NECAB1: variants seen among roughly 807,000 people sequenced by gnomAD.
The protein encoded by NECAB1 is N-terminal EF-hand calcium-binding protein 1.
In NECAB1, 29 loss-of-function variants were observed where a neutral mutation model predicts 57.5. That is an observed-to-expected ratio of 0.50 (90% CI 0.38 to 0.69). NECAB1 has a LOEUF of 0.69. Among genes scored for constraint, NECAB1 ranks in the 30% least tolerant of loss-of-function variants. NECAB1 has a pLI of 0.00. For missense variants in NECAB1, 372 were observed against 413.8 expected (o/e 0.90, Z 0.88); for synonymous variants, 142 against 147.7 (o/e 0.96, Z 0.28).
At chr8:90,822,958 A>AT (rs1357986594) in intron 2 of NECAB1, among the ~76,000 whole-genome samples, 1 of 151,368 alleles carries the variant, frequency 6.6e-6, no homozygotes, top group Non-Finnish European at 1.5e-5. Flanking sequence ...CTGGCAATAC[A>AT]TTTTTCATCA....
At chr8:90,924,071 A>G (rs1005070412) in intron 6 of NECAB1, among the ~76,000 whole-genome samples, 13 of 152,244 alleles carry the variant, frequency 8.5e-5, no homozygotes, top group African/African-American at 3.1e-4. Flanking sequence ...GTTTCACAAT[A>G]CTGGAAACAA....
intron 5 of NECAB1, among the ~76,000 whole-genome samples, chr8:90,896,465 C>T (rs1315191743): frequency 6.6e-6 from 1 of 151,856 alleles, no homozygotes; most frequent in African/African-American, 2.4e-5. Flanking sequence ...ATTAGCCGGG[C>T]GTGGTGGCGG....
chr8:90,853,504 G>C (rs1812729572), intron 3 of NECAB1, among the ~76,000 whole-genome samples: 1 of 152,094 alleles, frequency 6.6e-6, no homozygotes, highest in Non-Finnish European at 1.5e-5. Context: ...GAATGATTGA[G>C]TAACTTGCTT....
At chr8:90,894,986 AG>A (rs1809286755) in intron 5 of NECAB1, among the ~76,000 whole-genome samples, 1 of 152,206 alleles carries the variant, frequency 6.6e-6, no homozygotes. Context: ...AATGAAGCAC[AG>A]GGGCTTGTTT....
intron 5 of NECAB1, among the ~76,000 whole-genome samples, chr8:90,885,831 C>T (rs1445060938): frequency 6.6e-6 from 1 of 152,102 alleles, no homozygotes; most frequent in Non-Finnish European, 1.5e-5. Context: ...CTTTAGAGTT[C>T]AGCTGTGGCT....
At chr8:90,920,925 C>T (rs998702295) in intron 6 of NECAB1, among the ~76,000 whole-genome samples, 1 of 152,072 alleles carries the variant, frequency 6.6e-6, no homozygotes, top group Non-Finnish European at 1.5e-5. Context: ...TGGTGAGGAC[C>T]CAGAACACTG....
At chr8:90,816,599 T>G (rs895525274) in intron 2 of NECAB1, among the ~76,000 whole-genome samples, 29 of 151,840 alleles carry the variant, frequency 1.9e-4, no homozygotes, top group Admixed American at 1.8e-3. Context: ...CTTTCTTCAT[T>G]GAAGTGCCTT....
At chr8:90,872,223 A>G in intron 4 of NECAB1, 70 bp downstream of exon 4, 2 of 1,224,942 alleles carry the variant, frequency 1.6e-6, no homozygotes, top group South Asian at 1.5e-5. Context: ...TGTCTGATAT[A>G]TATCAACCTT....
intron 3 of NECAB1, among the ~76,000 whole-genome samples, chr8:90,826,189 G>T (rs1220394897): frequency 6.6e-6 from 1 of 151,884 alleles, no homozygotes; most frequent in Non-Finnish European, 1.5e-5. Context: ...GTGAAGAGCA[G>T]CAACAAGTAG....
At chr8:90,854,722 T>G (rs1812760984) in intron 3 of NECAB1, among the ~76,000 whole-genome samples, 1 of 152,218 alleles carries the variant, frequency 6.6e-6, no homozygotes, top group Non-Finnish European at 1.5e-5. Context: ...AGACTTTTTT[T>G]GGGCAACAAT....
Position 90,881,290 on chromosome 8 carries a change from A to G in NECAB1, c.357+160A>G, listed in dbSNP as rs978928259. ...TATGTTATTCATTTGTAACATAATT[A>G]TAAACACTATATGCTAAAGACTGTG... On this transcript the variant is annotated intron_variant, in intron 5 of 12. Coordinates refer to ENST00000417640, the MANE Select transcript of NECAB1 (RefSeq NM_022351.5). Among the ~76,000 whole-genome samples the G allele has an allele frequency of 2.0e-5, 3 of 152,232 alleles. No individual in the cohort carries two copies. The East Asian group carries it at 5.8e-4, about 29-fold the overall frequency.
intron 2 of NECAB1, 63 bp from the exon 3 acceptor site, chr8:90,824,654 A>G (rs1812194733): frequency 8.9e-7 from 1 of 1,122,512 alleles, no homozygotes; most frequent in Non-Finnish European, 1.3e-6. Flanking sequence ...AGTTTTATAA[A>G]GCAAAAACAG....
intron 1 of NECAB1, among the ~76,000 whole-genome samples, chr8:90,795,314 T>A (rs1294602278): frequency 6.6e-6 from 1 of 152,200 alleles, no homozygotes; most frequent in Non-Finnish European, 1.5e-5. Flanking sequence ...ATCCACCCAA[T>A]GCCACTTTCC....
chr8:90,904,403 TA>T (rs1217857533), intron 5 of NECAB1, among the ~76,000 whole-genome samples: 1 of 151,676 alleles, frequency 6.6e-6, no homozygotes, highest in Non-Finnish European at 1.5e-5. Context: ...GAGCAAGATA[TA>T]AAAAAGACAA....
At position 90,925,866 on chromosome 8, in the gene NECAB1, C is replaced by T. The variant is rs755648159; in HGVS notation, c.616+210C>T. Among the ~76,000 whole-genome samples the T allele has an allele frequency of 3.9e-4, 60 of 152,044 alleles. 1 individual carries two copies. The highest frequency in any genetic ancestry group is 6.9e-4 in the Non-Finnish European group (47 of 68,008). ...CATGGTCAGAATCCTAGCAGTTGTG[C>T]CTGGAAAGCACACAGAGAGATGGTG... On this transcript the variant is annotated intron_variant, in intron 7 of 12. Coordinates refer to ENST00000417640, the MANE Select transcript of NECAB1 (RefSeq NM_022351.5).
intron 3 of NECAB1, among the ~76,000 whole-genome samples, chr8:90,862,534 G>C (rs1012728443): frequency 1.3e-5 from 2 of 152,160 alleles, no homozygotes; most frequent in Non-Finnish European, 2.9e-5. Context: ...GGTATTTTAT[G>C]AAGCAAACCA....
At chr8:90,917,173 G>A (rs1435568662) in intron 5 of NECAB1, among the ~76,000 whole-genome samples, 9 of 151,910 alleles carry the variant, frequency 5.9e-5, no homozygotes, top group South Asian at 4.2e-4. Flanking sequence ...TTCCCCCTCC[G>A]CCACCGGATA....
intron 3 of NECAB1, among the ~76,000 whole-genome samples, chr8:90,838,596 T>C (rs540032299): frequency 6.6e-6 from 1 of 152,286 alleles, no homozygotes; most frequent in East Asian, 1.9e-4. Context: ...GACAGGCCAG[T>C]AAACATAAGG....
intron 3 of NECAB1, among the ~76,000 whole-genome samples, chr8:90,867,047 C>G (rs1808529679): frequency 6.6e-6 from 1 of 152,144 alleles, no homozygotes; most frequent in African/African-American, 2.4e-5. Flanking sequence ...CGTGGCACAT[C>G]TACTAGAATT....
Sources: gnomAD v4.1 joint callset for allele counts (sites outside exome capture counted in the v4.1 genomes callset) on GRCh38, gnomAD v4.1.1 for gene constraint, MANE v1.5 for transcripts, NCBI Gene and HGNC (gene_info 2026-07-23, HGNC 2026-07-21) for gene names.